The following PLCB4 variants were observed in gnomAD, a reference collection of about 807,000 sequenced individuals.
PLCB4 encodes phospholipase C beta 4.
Under a neutral mutation model 178.8 loss-of-function variants are expected in PLCB4, and 77 were observed. The ratio of observed to expected loss-of-function variants is 0.43; its 90% CI spans 0.36 to 0.52. The LOEUF is 0.52. Ranked by LOEUF, PLCB4 falls within the 20% of genes least tolerant of loss-of-function variation. PLCB4 has a pLI of 0.00. For synonymous variants in PLCB4, 496 were observed against 490.8 expected (o/e 1.01, Z -0.14); for missense variants, 1,024 against 1,453.4 (o/e 0.70, Z 4.80).
chr20:9,128,146 C>A (rs1252113238), intron 2 of PLCB4, among the ~76,000 whole-genome samples: 13 of 152,208 alleles, frequency 8.5e-5, no homozygotes, highest in African/African-American at 2.9e-4. Flanking sequence ...ATGAGGGGTT[C>A]TTTCTCTAGT....
chr20:9,430,639 G>A lies in PLCB4; in HGVS notation c.2525-4921G>A, dbSNP rs1210443229. 5.3e-5 allele frequency among the ~76,000 whole-genome samples: 8 copies of A among 152,108 alleles called. No homozygotes were observed. The East Asian group carries it at 7.7e-4, about 15-fold the overall frequency. On this transcript the variant is annotated intron_variant, in intron 28 of 39. Coordinates refer to ENST00000378473, the MANE Select transcript of PLCB4 (RefSeq NM_001377142.1). ...AATGGATAAATCTTCAGCAGGCTCCGATTTTGTTGTATCATTTAGGTGACA... is the reference window on the plus strand; with the variant it reads ...AATGGATAAATCTTCAGCAGGCTCCAATTTTGTTGTATCATTTAGGTGACA...
chr20:9,251,577 T>C (rs2094181062), intron 3 of PLCB4, among the ~76,000 whole-genome samples: 1 of 152,202 alleles, frequency 6.6e-6, no homozygotes, highest in South Asian at 2.1e-4. Context: ...TTCCCCCAGC[T>C]GCATTTAATT....
At chr20:9,141,464 G>A (rs1381119193) in intron 2 of PLCB4, among the ~76,000 whole-genome samples, 1 of 152,094 alleles carries the variant, frequency 6.6e-6, no homozygotes, top group East Asian at 1.9e-4. Context: ...GATGGAGAAG[G>A]AAATAACTGA....
At chr20:9,267,849 C>T (rs1381479361) in intron 3 of PLCB4, among the ~76,000 whole-genome samples, 2 of 152,084 alleles carry the variant, frequency 1.3e-5, no homozygotes, top group Non-Finnish European at 2.9e-5. Flanking sequence ...AATGGGTTAG[C>T]ATGGGAGTGG....
chr20:9,204,517 G>T (rs748309160), intron 2 of PLCB4, among the ~76,000 whole-genome samples: 2 of 152,010 alleles, frequency 1.3e-5, no homozygotes, highest in Non-Finnish European at 2.9e-5. Flanking sequence ...GCAGCACCAT[G>T]CCTGGCTATT....
chr20:9,083,714 A>G (rs2090272497), intron 1 of PLCB4, among the ~76,000 whole-genome samples: 1 of 152,182 alleles, frequency 6.6e-6, no homozygotes, highest in Admixed American at 6.5e-5. Flanking sequence ...ACAAGTTTCA[A>G]AATAAGGTTG....
chr20:9,304,521 TTG>T (rs1401308825), intron 3 of PLCB4, among the ~76,000 whole-genome samples: 1 of 152,168 alleles, frequency 6.6e-6, no homozygotes, highest in Non-Finnish European at 1.5e-5. Flanking sequence ...GTTATTTAAA[TTG>T]TGTTACTTTG....
chr20:9,263,417 C>T (rs1055235417), intron 3 of PLCB4, among the ~76,000 whole-genome samples: 5 of 152,146 alleles, frequency 3.3e-5, no homozygotes, highest in African/African-American at 1.2e-4. Context: ...TAGTCCCTTG[C>T]TATTGAAAGT....
At chr20:9,215,066 C>T (rs780207252) in intron 2 of PLCB4, among the ~76,000 whole-genome samples, 12 of 152,178 alleles carry the variant, frequency 7.9e-5, no homozygotes, top group Non-Finnish European at 1.6e-4. Flanking sequence ...TTTGGGAACT[C>T]GGCCTGTTTC....
upstream of PLCB4, chr20:9,068,921 C>CGGAGACGG (rs949778150): frequency 4.1e-5 from 5 of 120,730 alleles, no homozygotes; most frequent in African/African-American, 1.5e-4. Context: ...CCGCGCGGCG[C>CGGAGACGG]GGAGACGGGG....
chr20:9,137,868 T>C (rs375889385), intron 2 of PLCB4, among the ~76,000 whole-genome samples: 6 of 152,186 alleles, frequency 3.9e-5, no homozygotes, highest in Middle Eastern at 3.4e-3. Context: ...TCAGGCACTT[T>C]GCTTAAGTAC....
intron 3 of PLCB4, among the ~76,000 whole-genome samples, chr20:9,278,172 G>A (rs1172169469): frequency 6.6e-6 from 1 of 151,996 alleles, no homozygotes. Context: ...TCAATACTTG[G>A]TGGATAGGGA....
chr20:9,404,835 C>T (rs189996740), intron 20 of PLCB4, among the ~76,000 whole-genome samples: 1 of 152,264 alleles, frequency 6.6e-6, no homozygotes. Context: ...AATAAGGAGG[C>T]AAGCTCTCTC....
intron 33 of PLCB4, 54 bp from the exon 34 acceptor site, chr20:9,457,359 TG>T (rs1568879598): frequency 7.1e-6 from 6 of 846,608 alleles, no homozygotes; most frequent in Non-Finnish European, 2.1e-6. Context: ...CAAAGACCCA[TG>T]GGAATGGGAA....
chr20:9,246,035 A>T (rs2094121866), intron 3 of PLCB4, among the ~76,000 whole-genome samples: 1 of 152,120 alleles, frequency 6.6e-6, no homozygotes, highest in Non-Finnish European at 1.5e-5. Flanking sequence ...AATTGAAGAC[A>T]TTTTTGCAAC....
chr20:9,433,346 CAT>C (rs375078258), intron 28 of PLCB4, among the ~76,000 whole-genome samples: 122 of 152,248 alleles, frequency 8.0e-4, no homozygotes, highest in African/African-American at 2.8e-3. Flanking sequence ...TTATCAGAGA[CAT>C]AGTGTGAAAT....
intron 7 of PLCB4, among the ~76,000 whole-genome samples, chr20:9,355,400 C>T (rs986931887): frequency 1.3e-5 from 2 of 151,956 alleles, no homozygotes; most frequent in African/African-American, 2.4e-5. Flanking sequence ...CCCATTAACT[C>T]GTCATTTAGC....
chr20:9,268,713 CAA>C (rs2094373515), intron 3 of PLCB4, among the ~76,000 whole-genome samples: 1 of 152,176 alleles, frequency 6.6e-6, no homozygotes, highest in Non-Finnish European at 1.5e-5. Flanking sequence ...TGTTAAGAGA[CAA>C]AGACTATCAG....
intron 3 of PLCB4, among the ~76,000 whole-genome samples, chr20:9,232,511 T>C (rs1293509287): frequency 6.6e-6 from 1 of 152,140 alleles, no homozygotes; most frequent in East Asian, 1.9e-4. Context: ...TCTCATCATA[T>C]TATATACCTG....
Sources: allele counts gnomAD v4.1 joint callset (sites outside exome capture counted in the v4.1 genomes callset), GRCh38; gene constraint gnomAD v4.1.1; transcripts MANE v1.5; gene names NCBI Gene and HGNC (gene_info 2026-07-23, HGNC 2026-07-21).